The following HECTD2 variants were observed in gnomAD, a reference collection of about 807,000 sequenced individuals.
The protein encoded by HECTD2 is HECT domain E3 ubiquitin protein ligase 2.
In HECTD2, 35 loss-of-function variants were observed where a neutral mutation model predicts 103.2. That is an observed-to-expected ratio of 0.34 (90% CI 0.26 to 0.45). The LOEUF (loss-of-function observed/expected upper bound fraction) is 0.45, where lower values mean the gene tolerates loss of function less well. HECTD2 is among the 20% of genes least tolerant of loss of function. The probability of loss-of-function intolerance (pLI) is 1.00; values close to 1 mark genes in which losing one functional copy is unlikely to be tolerated. For synonymous variants in HECTD2, 281 were observed against 329.9 expected (o/e 0.85, Z 1.61); for missense variants, 596 against 937.4 (o/e 0.64, Z 4.76).
chr10:91,462,120 C>A lies in HECTD2; in HGVS notation c.536C>A (p.Thr179Asn). ...FKKDATASFN[T>N]IEDSGINAKF... is the part of the protein sequence containing the mutation. Reference sequence around the variant, plus strand: ...AAAGATGCCACTGCCTCATTTAACACCATTGAAGACTCTGGGATTAATGCT... The same window carrying A: ...AAAGATGCCACTGCCTCATTTAACAACATTGAAGACTCTGGGATTAATGCT... The change falls in exon 5 of 21, where the codon ACC becomes AAC. Residue 179 changes from threonine (T) to asparagine (N), a missense_variant. By Grantham distance (65) the Thr-to-Asn change is moderately conservative. Transcript: ENST00000298068. 6.3e-7 allele frequency: 1 copy of A among 1,594,290 alleles called. No homozygotes were observed. Among genetic ancestry groups the A allele is most frequent in the Non-Finnish European group, 8.6e-7 (1 of 1,164,492 alleles).
chr10:91,421,381 A>G (rs1250347836), intron 1 of HECTD2, among the ~76,000 whole-genome samples: 4 of 152,056 alleles, frequency 2.6e-5, no homozygotes, highest in African/African-American at 9.7e-5. Context: ...TATTTCCCAC[A>G]GTTCTGTCCT....
intron 2 of HECTD2, among the ~76,000 whole-genome samples, chr10:91,454,983 G>C (rs984225147): frequency 6.6e-6 from 1 of 152,084 alleles, no homozygotes; most frequent in Non-Finnish European, 1.5e-5. Context: ...TGGACATTTG[G>C]GTTAGTTCCA....
At chr10:91,494,960 GT>G (rs545622752) in intron 14 of HECTD2, among the ~76,000 whole-genome samples, 1 of 150,906 alleles carries the variant, frequency 6.6e-6, no homozygotes, top group Non-Finnish European at 1.5e-5. Flanking sequence ...ATTGCTCATT[GT>G]TTTTTTTGCA....
intron 1 of HECTD2, among the ~76,000 whole-genome samples, chr10:91,422,620 C>A (rs1291682128): frequency 6.6e-6 from 1 of 152,018 alleles, no homozygotes; most frequent in Non-Finnish European, 1.5e-5. Context: ...AAATATGTAA[C>A]CTGTTTATAT....
rs1845980879 is a variant in HECTD2, at chr10:91,478,333, A to G, written c.665+68A>G. On this transcript the variant is annotated intron_variant, in intron 6 of 20. Coordinates refer to ENST00000298068, the MANE Select transcript of HECTD2 (RefSeq NM_182765.6). Reference sequence around the variant, plus strand: ...CTAACTTACACATCATATATCTTTAACACATGTGTATGTATTTTACTCTCA... The same window carrying G: ...CTAACTTACACATCATATATCTTTAGCACATGTGTATGTATTTTACTCTCA... 3 of 921,378 alleles carry G rather than the reference A, an allele frequency of 3.3e-6. No homozygotes were observed. The Admixed American group carries it at 5.6e-5, about 17-fold the overall frequency. 57.1% of individuals were successfully genotyped at this position (921,378 alleles called of 1,614,324 possible). A position where few individuals can be genotyped will look rare whatever the true frequency, so the allele number is the denominator to read the frequency against.
At chr10:91,506,206 T>G (rs1847161885) in intron 20 of HECTD2, among the ~76,000 whole-genome samples, 8 of 147,710 alleles carry the variant, frequency 5.4e-5, no homozygotes, top group African/African-American at 7.5e-5. Flanking sequence ...ACATCACAAT[T>G]AAAAGAACTA....
chr10:91,462,347 CTTTTATT>C lies in HECTD2; in HGVS notation c.600+169_600+175del, dbSNP rs1324456875. On this transcript the variant is annotated intron_variant, in intron 5 of 20. Coordinates refer to ENST00000298068, the MANE Select transcript of HECTD2 (RefSeq NM_182765.6). ...TCTCATAAAGTTAGATTATTTTATT[CTTTTATT>C]TTTTAATTATGAATTAAGCAGCAAA... The C allele has an allele frequency of 2.7e-6, 3 of 1,096,082 alleles. No individual in the cohort carries two copies. The Admixed American group carries it at 1.2e-4, about 44-fold the overall frequency. 67.9% of individuals were successfully genotyped at this position (1,096,082 alleles called of 1,614,324 possible).
At chr10:91,486,211 G>A (rs1846261311) in intron 10 of HECTD2, 1 of 151,946 alleles carries the variant, frequency 6.6e-6, no homozygotes, top group African/African-American at 2.4e-5. Flanking sequence ...ACATAGAATG[G>A]GCTTCTGGAC....
chr10:91,410,144 G>C (rs569339269), upstream of HECTD2: 4 of 151,954 alleles, frequency 2.6e-5, no homozygotes, highest in Admixed American at 2.6e-4. Flanking sequence ...TGACGAGGGG[G>C]ACTACCGCCG....
intron 9 of HECTD2, 80 bp downstream of exon 9, chr10:91,484,735 A>ATAGAGGCAT (rs1435246737): frequency 1.9e-6 from 2 of 1,054,554 alleles, no homozygotes; most frequent in Non-Finnish European, 2.7e-6. Flanking sequence ...TCAAAAGACT[A>ATAGAGGCAT]TAGAGGCATT....
intron 3 of HECTD2, 31 bp from the exon 4 acceptor site, chr10:91,461,223 T>A (rs1469664034): frequency 1.1e-6 from 1 of 935,270 alleles, no homozygotes; most frequent in Non-Finnish European, 1.7e-6. Context: ...TATTTCTATA[T>A]GTATATACGG....
chr10:91,449,997 C>G (rs1004703738), intron 2 of HECTD2, among the ~76,000 whole-genome samples: 4 of 152,064 alleles, frequency 2.6e-5, no homozygotes, highest in Admixed American at 1.3e-4. Flanking sequence ...CAAGCTACCA[C>G]TGACTTTCTT....
intron 2 of HECTD2, among the ~76,000 whole-genome samples, chr10:91,459,459 G>A (rs1203993664): frequency 3.3e-5 from 5 of 151,942 alleles, no homozygotes; most frequent in African/African-American, 7.2e-5. Context: ...ACCATATAGC[G>A]GTACACCCAA....
At chr10:91,428,194 T>C (rs1256590140) in intron 2 of HECTD2, among the ~76,000 whole-genome samples, 2 of 151,544 alleles carry the variant, frequency 1.3e-5, no homozygotes, top group Admixed American at 1.3e-4. Flanking sequence ...TGTAGATATG[T>C]GGCGTTATTT....
chr10:91,476,216 G>A (rs1845895592), intron 5 of HECTD2, among the ~76,000 whole-genome samples: 1 of 152,192 alleles, frequency 6.6e-6, no homozygotes, highest in South Asian at 2.1e-4. Flanking sequence ...GAGGGGATGG[G>A]ATGTAGGACT....
At chr10:91,498,651 A>G (rs1438753446) in intron 16 of HECTD2, among the ~76,000 whole-genome samples, 1 of 152,186 alleles carries the variant, frequency 6.6e-6, no homozygotes, top group African/African-American at 2.4e-5. Context: ...AAAGTATTTA[A>G]CTGTATTAGG....
intron 1 of HECTD2, among the ~76,000 whole-genome samples, chr10:91,414,014 G>T (rs1306585622): frequency 6.6e-6 from 1 of 152,168 alleles, no homozygotes; most frequent in African/African-American, 2.4e-5. Flanking sequence ...ATTAGTTACT[G>T]ATGTATTACA....
chr10:91,434,647 T>C (rs1844039238), intron 2 of HECTD2, among the ~76,000 whole-genome samples: 1 of 151,986 alleles, frequency 6.6e-6, no homozygotes, highest in South Asian at 2.1e-4. Context: ...GGACATCTTA[T>C]AGTTTAATGG....
At chr10:91,427,456 C>T (rs1843617644) in intron 2 of HECTD2, among the ~76,000 whole-genome samples, 5 of 152,174 alleles carry the variant, frequency 3.3e-5, no homozygotes, top group Non-Finnish European at 5.9e-5. Context: ...AACTAGTTTA[C>T]AGTCCCACCA....
Sources: allele counts gnomAD v4.1 joint callset (sites outside exome capture counted in the v4.1 genomes callset), GRCh38; gene constraint gnomAD v4.1.1; transcripts MANE v1.5; gene names NCBI Gene and HGNC (gene_info 2026-07-23, HGNC 2026-07-21).